The following LUZP2 variants were observed in gnomAD, a reference collection of about 807,000 sequenced individuals.
LUZP2 encodes leucine zipper protein 2.
A neutral mutation model predicts 51.6 loss-of-function variants in LUZP2; 52 were observed. The observed-to-expected ratio is 1.01, with a 90% CI of 0.81 to 1.27. The LOEUF (loss-of-function observed/expected upper bound fraction) is 1.27. Among genes scored for constraint, LUZP2 ranks in the 50% most tolerant of loss-of-function variants. The pLI, the probability that LUZP2 is intolerant of heterozygous loss-of-function variation, is 0.00. For missense variants in LUZP2, 436 were observed against 395.4 expected, an observed-to-expected ratio of 1.10 and a Z score of -0.87; for synonymous variants, 154 against 137.3, an observed-to-expected ratio of 1.12 and a Z score of -0.85.
chr11:24,643,450 C>A (rs1253983744), intron 1 of LUZP2, among the ~76,000 whole-genome samples: 1 of 152,058 alleles, frequency 6.6e-6, no homozygotes, highest in Non-Finnish European at 1.5e-5. Flanking sequence ...GGAGTCAATT[C>A]TTTCCAGAAG....
chr11:24,952,791 C>T (rs1213884001), intron 7 of LUZP2, among the ~76,000 whole-genome samples: 1 of 151,864 alleles, frequency 6.6e-6, no homozygotes. Context: ...CTGTGTAACA[C>T]TAATTGTTAT....
intron 1 of LUZP2, among the ~76,000 whole-genome samples, chr11:24,629,430 A>G (rs571562151): frequency 4.0e-5 from 6 of 149,976 alleles, no homozygotes; most frequent in African/African-American, 1.5e-4. Context: ...ATGGCTGAAC[A>G]GTATTCCATT....
chr11:24,566,365 C>T (rs2133786110), intron 1 of LUZP2, among the ~76,000 whole-genome samples: 1 of 143,460 alleles, frequency 7.0e-6, no homozygotes, highest in Middle Eastern at 3.8e-3. Flanking sequence ...TAGTCTCACT[C>T]TGTCGCCAGG....
intron 5 of LUZP2, among the ~76,000 whole-genome samples, chr11:24,899,792 T>A (rs1853216736): frequency 6.6e-6 from 1 of 152,118 alleles, no homozygotes; most frequent in African/African-American, 2.4e-5. Context: ...GAGCTTCAAA[T>A]TTCATGAAGC....
intron 4 of LUZP2, among the ~76,000 whole-genome samples, chr11:24,750,951 A>G (rs1220604661): frequency 6.6e-6 from 1 of 152,182 alleles, no homozygotes; most frequent in East Asian, 1.9e-4. Context: ...TATAATCAAA[A>G]TATATGGAAA....
intron 1 of LUZP2, among the ~76,000 whole-genome samples, chr11:24,620,100 A>G (rs1014601245): frequency 6.6e-6 from 1 of 152,198 alleles, no homozygotes; most frequent in Non-Finnish European, 1.5e-5. Context: ...GCTTAATTAA[A>G]TAGATATATT....
rs1328582635 is a variant in LUZP2 at position 25,015,268 on chromosome 11, T to C, written c.765+31975T>C. ...CCTCTACACTTACAAAATGTTACGA[T>C]AGTACAGAGAATTCCTGTGTAACAT... On this transcript the variant is annotated intron_variant, in intron 9 of 11. Coordinates refer to ENST00000336930, the MANE Select transcript of LUZP2 (RefSeq NM_001009909.4). Among the ~76,000 whole-genome samples the C allele has an allele frequency of 2.6e-5, 4 of 152,174 alleles. No homozygotes were observed. The East Asian group carries it at 5.8e-4, about 22-fold the overall frequency.
chr11:25,002,169 G>A (rs912784089), intron 9 of LUZP2, among the ~76,000 whole-genome samples: 6 of 152,176 alleles, frequency 3.9e-5, no homozygotes, highest in Non-Finnish European at 7.3e-5. Context: ...AATGCCACTA[G>A]TTCTGCTAAC....
intron 6 of LUZP2, among the ~76,000 whole-genome samples, chr11:24,909,343 T>C (rs1045901557): frequency 6.6e-6 from 1 of 151,948 alleles, no homozygotes; most frequent in African/African-American, 2.4e-5. Context: ...GTTTTAAAAA[T>C]GAACACCTCA....
At position 24,740,226 on chromosome 11, in the gene LUZP2, A is replaced by G. The variant is rs151109334; in HGVS notation, c.333+1924A>G. 6.2e-4 allele frequency among the ~76,000 whole-genome samples: 95 copies of G among 152,318 alleles called. No individual in the cohort carries two copies. The East Asian group carries it at 0.015, about 24-fold the overall frequency. ...GTTTCTAGCTTGTATTTGCACAGCT[A>G]TAAGCTAAGGCATGAACTCATAATT... On this transcript the variant is annotated intron_variant, in intron 4 of 11. Coordinates refer to ENST00000336930, the MANE Select transcript of LUZP2 (RefSeq NM_001009909.4).
rs527690950 is a variant in LUZP2 at position 24,784,142 on chromosome 11, G to C, written c.396+20834G>C. ...ATATAGCATAACTGTTATGTAAACA[G>C]ATACAGAACTTCCTTTTTTCAGTAA... On this transcript the variant is annotated intron_variant, in intron 5 of 11. Transcript: ENST00000336930. 2.0e-5 allele frequency among the ~76,000 whole-genome samples: 3 copies of C among 152,030 alleles called. No individual in the cohort carries two copies. In the South Asian group the frequency reaches 6.2e-4, roughly 32 times the overall value.
intron 5 of LUZP2, among the ~76,000 whole-genome samples, chr11:24,764,405 C>T (rs1860101676): frequency 6.7e-6 from 1 of 150,292 alleles, no homozygotes; most frequent in Admixed American, 6.7e-5. Context: ...ACTATAATCC[C>T]AGCACTTAGG....
chr11:24,800,680 G>A (rs759777951), intron 5 of LUZP2, among the ~76,000 whole-genome samples: 3 of 151,910 alleles, frequency 2.0e-5, no homozygotes, highest in Admixed American at 1.3e-4. Flanking sequence ...ACTGAGCAGC[G>A]CTGGACAAAA....
chr11:24,908,374 T>A (rs1276952422), intron 6 of LUZP2, among the ~76,000 whole-genome samples: 1 of 152,198 alleles, frequency 6.6e-6, no homozygotes, highest in Non-Finnish European at 1.5e-5. Flanking sequence ...ATCTCCTGAA[T>A]GGGATAAAAA....
intron 1 of LUZP2, among the ~76,000 whole-genome samples, chr11:24,654,341 C>T (rs375060502): frequency 2.0e-5 from 3 of 152,282 alleles, no homozygotes; most frequent in Non-Finnish European, 2.9e-5. Context: ...TTTGTCCTCA[C>T]CCTTAGTAAT....
chr11:24,548,650 GAC>G (rs1367542021), intron 1 of LUZP2, among the ~76,000 whole-genome samples: 1 of 151,920 alleles, frequency 6.6e-6, no homozygotes, highest in Non-Finnish European at 1.5e-5. Context: ...AAACTCCAGT[GAC>G]ACACAATTTA....
At chr11:24,912,624 C>T (rs1853670698) in intron 6 of LUZP2, among the ~76,000 whole-genome samples, 1 of 152,076 alleles carries the variant, frequency 6.6e-6, no homozygotes, top group African/African-American at 2.4e-5. Flanking sequence ...GCCTGGACAA[C>T]ACAGTGAAAC....
chr11:24,666,728 G>A (rs778380352), intron 1 of LUZP2, among the ~76,000 whole-genome samples: 1 of 152,184 alleles, frequency 6.6e-6, no homozygotes, highest in Non-Finnish European at 1.5e-5. Context: ...CACAGAAAGA[G>A]AGTTCATTAT....
chr11:24,994,475 C>G (rs574853265), intron 9 of LUZP2, among the ~76,000 whole-genome samples: 16 of 152,268 alleles, frequency 1.1e-4, no homozygotes, highest in Admixed American at 5.9e-4. Flanking sequence ...CAATTCAGTT[C>G]CATTAATCTA....
Sources: gnomAD v4.1 joint callset for allele counts (sites outside exome capture counted in the v4.1 genomes callset) on GRCh38, gnomAD v4.1.1 for gene constraint, MANE v1.5 for transcripts, NCBI Gene and HGNC (gene_info 2026-07-23, HGNC 2026-07-21) for gene names.